DET1: variants seen among roughly 807,000 people sequenced by gnomAD.
DET1 encodes the protein DET1 partner of COP1 E3 ubiquitin ligase.
In DET1, 22 loss-of-function variants were observed where a neutral mutation model predicts 43.7. That is an observed-to-expected ratio of 0.50 (90% CI 0.36 to 0.72). The LOEUF (loss-of-function observed/expected upper bound fraction) is 0.72. DET1 is among the 30% of genes least tolerant of loss of function. DET1 has a pLI of 0.00. For missense variants in DET1, 713 were observed against 713.3 expected, an observed-to-expected ratio of 1.00 and a Z score of 0.00; for synonymous variants, 315 against 266.2, an observed-to-expected ratio of 1.18 and a Z score of -1.79.
intron 1 of DET1, among the ~76,000 whole-genome samples, chr15:88,539,116 T>G (rs921767382): frequency 5.3e-5 from 8 of 151,242 alleles, no homozygotes; most frequent in African/African-American, 2.0e-4. Context: ...TCTCTCTCTC[T>G]TTCTCTTATT....
In DET1 at chr15:88,522,658, G is replaced by A. The variant is rs1329491590; in HGVS notation, c.1271+4941C>T. Among the ~76,000 whole-genome samples, 6 of 151,116 alleles carry A rather than the reference G, an allele frequency of 4.0e-5. No homozygotes were observed. In the South Asian group the frequency reaches 8.4e-4, roughly 21 times the overall value. On this transcript the variant is annotated intron_variant, in intron 3 of 4. Coordinates refer to ENST00000268148, the MANE Select transcript of DET1 (RefSeq NM_001144074.3). ...CGAGTAGCTGGGACTACAGGCGCCC[G>A]CCATCACACACGGCTAATTTTTTTT...
chr15:88,511,904 A>G (rs2056206293), downstream of DET1, among the ~76,000 whole-genome samples: 1 of 152,138 alleles, frequency 6.6e-6, no homozygotes, highest in Non-Finnish European at 1.5e-5. Context: ...CTGGAACCCA[A>G]CATTTCAAAG....
chr15:88,507,084 C>G (rs1341609635), intron 7 of DET1, among the ~76,000 whole-genome samples: 1 of 152,192 alleles, frequency 6.6e-6, no homozygotes, highest in Non-Finnish European at 1.5e-5. Context: ...AGCCAAAGTA[C>G]TCAATGAAGT....
intron 3 of DET1, among the ~76,000 whole-genome samples, chr15:88,517,775 CTTTG>C (rs952632218): frequency 2.6e-5 from 4 of 152,126 alleles, no homozygotes; most frequent in African/African-American, 9.7e-5. Flanking sequence ...ATTACGCATT[CTTTG>C]TTTGTTTAAA....
rs750575539 is a variant in DET1 at position 88,531,715 on chromosome 15, T to C, written c.-10A>G. On this transcript the variant is annotated splice_region_variant and 5_prime_UTR_variant, in exon 2 of 5. Transcript: ENST00000268148. The surrounding 1 kb of genome is among the most constrained non-coding windows in gnomAD (Gnocchi z 6.2). ...AAACATGATGATCCATTATCACATC[T>C]CTAAACAGAAAAGTAAAGCAGAAGT... 25 of 1,593,106 alleles carry C rather than the reference T, an allele frequency of 1.6e-5. No homozygotes were observed. The African/African-American group carries it at 2.3e-4, about 15-fold the overall frequency.
At position 88,531,518 on chromosome 15, in the gene DET1, C is replaced by T. The variant is rs367904246; in HGVS notation, c.188G>A (p.Arg63His). The change falls in exon 2 of 5, where the codon CGT (arginine) becomes CAT (histidine). Residue 63 changes from arginine (R) to histidine (H), a missense_variant. Physicochemically the swap from Arg to His is conservative, Grantham distance 29. Transcript: ENST00000268148. This position sits in a 1 kb window ranked among gnomAD's most constrained non-coding sequence, Gnocchi z 6.2. The stretch of plus-strand genomic sequence containing the variant: ...GTAGCGTCCATCAGGTGAGAATTTA[C>T]GCAAGAAACAAGGAGGCTTTTCAAC... The part of the protein sequence containing the change: ...VNVEKPPCFL[R>H]KFSPDGRYFI... 5.0e-6 allele frequency: 8 copies of T among 1,613,936 alleles called. No individual in the cohort carries two copies. Among genetic ancestry groups the T allele is most frequent in the Non-Finnish European group, 6.8e-6 (8 of 1,179,890 alleles).
chr15:88,517,346 C>G (rs561505221), intron 3 of DET1, among the ~76,000 whole-genome samples: 1 of 151,708 alleles, frequency 6.6e-6, no homozygotes, highest in Admixed American at 6.6e-5. Context: ...CCACCTCAGC[C>G]CCCAGAGTAG....
At position 88,516,906 on chromosome 15, in the gene DET1, G is replaced by T. The variant is rs1366442018; in HGVS notation, c.1339C>A (p.Gln447Lys). The T allele has an allele frequency of 6.2e-7, 1 of 1,610,442 alleles. No homozygotes were observed. Among genetic ancestry groups the T allele is most frequent in the Non-Finnish European group, 8.5e-7 (1 of 1,178,358 alleles). ...TAAGACTGAGCACTGATGGGGAGCT[G>T]ACCCAGCAGCCGGCGTACTGCCTCT... ...HTEAVRRLLG[Q>K]LPISAQSYSG... The change falls in exon 4 of 5, where the codon CAG (glutamine) becomes AAG (lysine). Residue 447 changes from glutamine (Q) to lysine (K), a missense_variant. Coordinates refer to ENST00000268148, the MANE Select transcript of DET1 (RefSeq NM_001144074.3). This position sits in a 1 kb window ranked among gnomAD's most constrained non-coding sequence, Gnocchi z 4.4.
exon 8 of DET1, chr15:88,503,890 C>T (rs2056111871): frequency 6.6e-6 from 1 of 151,964 alleles, no homozygotes; most frequent in South Asian, 2.1e-4. Flanking sequence ...GTCCCAACCA[C>T]TCAGGAGGCT....
chr15:88,519,562 G>A (rs769664784), intron 3 of DET1, among the ~76,000 whole-genome samples: 5 of 151,628 alleles, frequency 3.3e-5, no homozygotes, highest in Non-Finnish European at 7.4e-5. Context: ...ACCCCCACAG[G>A]ACCTATAATC....
chr15:88,540,509 G>T (rs775021416), intron 1 of DET1, among the ~76,000 whole-genome samples: 2 of 151,752 alleles, frequency 1.3e-5, no homozygotes, highest in African/African-American at 4.8e-5. Flanking sequence ...CCTTGCAAGT[G>T]TTGGAGCCCC....
At chr15:88,502,031 T>G (rs2056093617) in intron 8 of DET1, 1 of 152,326 alleles carries the variant, frequency 6.6e-6, no homozygotes, top group Non-Finnish European at 1.5e-5. Flanking sequence ...ACTGGAGTAG[T>G]ATACACTGTA....
At chr15:88,528,885 A>G (rs2056738204) in intron 2 of DET1, among the ~76,000 whole-genome samples, 1 of 152,240 alleles carries the variant, frequency 6.6e-6, no homozygotes, top group African/African-American at 2.4e-5. Context: ...GCTGTAAATT[A>G]AAGAGGCTAG....
intron 3 of DET1, among the ~76,000 whole-genome samples, chr15:88,522,060 C>T (rs555698138): frequency 2.0e-5 from 3 of 152,210 alleles, no homozygotes; most frequent in African/African-American, 7.2e-5. Context: ...GCTGTAGCAC[C>T]TTATTATATA....
chr15:88,509,259 T>C (rs1014962503), downstream of DET1, among the ~76,000 whole-genome samples: 1 of 152,106 alleles, frequency 6.6e-6, no homozygotes, highest in Admixed American at 6.5e-5. Context: ...CAAGCAATCC[T>C]CCCACCTTGG....
chr15:88,530,754 G>C lies in DET1; in HGVS notation c.952C>G (p.Arg318Gly), dbSNP rs762523583. Residue 318 changes from arginine to glycine, a missense_variant, in exon 2 of 5, where the codon CGC (arginine) becomes GGC (glycine). Transcript: ENST00000268148. ...AGTTGGTCAAAATACTGGAAGAAGC[G>C]CCTCTTGGCCATTGCACTACCATCC... ...EQDGSAMAKR[R>G]FFQYFDQLRQ... The C allele has an allele frequency of 1.1e-4, 179 of 1,613,792 alleles. No homozygotes were observed. Among genetic ancestry groups the C allele is most frequent in the Non-Finnish European group, 1.4e-4 (171 of 1,179,854 alleles).
chr15:88,530,519 AC>A lies in DET1; in HGVS notation c.1083+103del, dbSNP rs1249400350. On this transcript the variant is annotated intron_variant, in intron 2 of 4. Transcript: ENST00000268148. ...GGGCCCTAGGATATCAATTCAGACT[AC>A]GTGAAATGTCTATTTCTGAGGGGTG... 35 of 1,495,114 alleles carry A rather than the reference AC, an allele frequency of 2.3e-5. No individual in the cohort carries two copies. The African/African-American group carries it at 4.9e-4, about 21-fold the overall frequency. The allele number at this position is 1,495,114 out of a possible 1,614,324, so 92.6% of individuals were successfully genotyped here. A position where few individuals can be genotyped will look rare whatever the true frequency, so the allele number is the denominator to read the frequency against.
At chr15:88,511,501 C>A (rs1215434706), downstream of DET1, 3 of 985,360 alleles carry the variant, frequency 3.0e-6, no homozygotes, top group Non-Finnish European at 3.6e-6. Flanking sequence ...CTTGGTCATA[C>A]AACACATTCC....
At chr15:88,545,576 G>T (rs1317316474) in intron 1 of DET1, among the ~76,000 whole-genome samples, 2 of 152,070 alleles carry the variant, frequency 1.3e-5, no homozygotes, top group Non-Finnish European at 2.9e-5. Context: ...ATACTATTAA[G>T]TTTAATTTTT....
Sources: gnomAD v4.1 joint callset for allele counts (sites outside exome capture counted in the v4.1 genomes callset) on GRCh38, gnomAD v4.1.1 for gene constraint, Gnocchi (gnomAD v3.1) non-coding constraint, MANE v1.5 for transcripts, NCBI Gene and HGNC (gene_info 2026-07-23, HGNC 2026-07-21) for gene names.